FCRL2: variants seen among roughly 807,000 people sequenced by gnomAD.
FCRL2 encodes the protein Fc receptor-like protein 2.
A neutral mutation model predicts 59.8 loss-of-function variants in FCRL2; 48 were observed. That is an observed-to-expected ratio of 0.80 (90% CI 0.64 to 1.02). FCRL2 has a LOEUF of 1.02. Ranked by LOEUF, FCRL2 falls within the 50% of genes least tolerant of loss-of-function variation. The pLI, the probability that FCRL2 is intolerant of heterozygous loss-of-function variation, is 0.00. For synonymous variants in FCRL2, 251 were observed against 229.5 expected (o/e 1.09, Z -0.85); for missense variants, 658 against 597.3 (o/e 1.10, Z -1.06).
intron 7 of FCRL2, among the ~76,000 whole-genome samples, chr1:157,766,029 G>A (rs1279052157): frequency 6.6e-6 from 1 of 152,144 alleles, no homozygotes; most frequent in Non-Finnish European, 1.5e-5. Context: ...GCAAACTATG[G>A]CCAGCATCAA....
chr1:157,748,449 T>C (rs1488245641), intron 10 of FCRL2, 104 bp downstream of exon 10: 1 of 404,534 alleles, frequency 2.5e-6, no homozygotes. Flanking sequence ...GACAAATAAA[T>C]AAATAAATAA....
chr1:157,748,464 A>G lies in FCRL2; in HGVS notation c.1459+89T>C, dbSNP rs955451405. On this transcript the variant is annotated intron_variant, in intron 10 of 11. Transcript: ENST00000361516. The stretch of plus-strand genomic sequence containing the variant: ...GACAAATAAATAAATAAATAAATAA[A>G]TAAATAAATAAATAAAGCCTCTATT... 5.2e-6 allele frequency: 3 copies of G among 575,372 alleles called. No homozygotes were observed. In the Admixed American group the frequency reaches 9.7e-5, roughly 19 times the overall value. The allele number at this position is 575,372 out of a possible 1,614,324, so 35.6% of individuals were successfully genotyped here. A position where few individuals can be genotyped will look rare whatever the true frequency, so the allele number is the denominator to read the frequency against.
At chr1:157,755,838 T>C (rs1472114639) in intron 7 of FCRL2, among the ~76,000 whole-genome samples, 2 of 152,154 alleles carry the variant, frequency 1.3e-5, no homozygotes, top group Admixed American at 1.3e-4. Flanking sequence ...CTAAAATATC[T>C]CTGGAAAAAT....
At chr1:157,746,960 A>C in intron 10 of FCRL2, 61 bp from the exon 11 acceptor site, 1 of 1,547,770 alleles carries the variant, frequency 6.5e-7, no homozygotes, top group Non-Finnish European at 8.9e-7. Flanking sequence ...TCACTCCCAG[A>C]CTTTATGCCC....
Position 157,770,063 on chromosome 1 carries a change from G to A in FCRL2, c.398C>T (p.Ser133Phe), listed in dbSNP as rs1035145321. 1 of 1,614,090 alleles carries A rather than the reference G, an allele frequency of 6.2e-7. No homozygotes were observed. The highest frequency in any genetic ancestry group is 1.3e-5 in the African/African-American group (1 of 74,920). The part of the protein sequence containing the change: ...PVSLKCETRL[S>F]PQRLDVQLQF... The stretch of plus-strand genomic sequence containing the variant: ...GAGTTGAACATCCAACCTCTGTGGA[G>A]AGAGCCGGGTCTCACATTTCAGGCT... Residue 133 changes from serine to phenylalanine, a missense_variant, in exon 4 of 12, where the codon TCT becomes TTT. Physicochemically the swap from Ser to Phe is radical, Grantham distance 155 (BLOSUM62 -2). Transcript: ENST00000361516.
chr1:157,765,737 G>A lies in FCRL2; in HGVS notation c.1279+1118C>T, dbSNP rs183330223. ...TAAAAAATATGGCTTAAAATTCTTT[G>A]ACAGTTCTCCCATTTAGAGGTGAAG... On this transcript the variant is annotated intron_variant, in intron 7 of 11. Coordinates refer to ENST00000361516, the MANE Select transcript of FCRL2 (RefSeq NM_030764.4). Among the ~76,000 whole-genome samples, 110 of 152,296 alleles carry A rather than the reference G, an allele frequency of 7.2e-4. 1 individual carries two copies. In the East Asian group the frequency reaches 0.019, roughly 27 times the overall value.
chr1:157,746,982 A>C (rs1647797087), intron 10 of FCRL2, 83 bp from the exon 11 acceptor site: 3 of 1,388,366 alleles, frequency 2.2e-6, no homozygotes, highest in Non-Finnish European at 3.0e-6. Flanking sequence ...AGGGCATAGA[A>C]CTACTATGCT....
intron 7 of FCRL2, among the ~76,000 whole-genome samples, chr1:157,765,560 G>T (rs6699379): frequency 2.0e-5 from 3 of 152,208 alleles, no homozygotes; most frequent in Non-Finnish European, 4.4e-5. Context: ...ACGAGAAGGG[G>T]CTCAGGGAGA....
chr1:157,754,022 A>G (rs545364147), intron 7 of FCRL2, among the ~76,000 whole-genome samples: 1 of 152,110 alleles, frequency 6.6e-6, no homozygotes, highest in Non-Finnish European at 1.5e-5. Flanking sequence ...TAGCTATCTG[A>G]AAAAAAAGAT....
At chr1:157,762,329 A>T (rs1649161852) in intron 7 of FCRL2, among the ~76,000 whole-genome samples, 1 of 152,204 alleles carries the variant, frequency 6.6e-6, no homozygotes, top group South Asian at 2.1e-4. Context: ...TGCCACTGCC[A>T]TTGCCCAAAC....
At chr1:157,760,809 G>C (rs1649037768) in intron 7 of FCRL2, among the ~76,000 whole-genome samples, 1 of 151,500 alleles carries the variant, frequency 6.6e-6, no homozygotes, top group Admixed American at 6.6e-5. Flanking sequence ...AAGGAAGGAA[G>C]GAGGGAAGGA....
intron 7 of FCRL2, among the ~76,000 whole-genome samples, chr1:157,751,765 G>A (rs1557854071): frequency 6.6e-6 from 1 of 152,230 alleles, no homozygotes; most frequent in Non-Finnish European, 1.5e-5. Context: ...ACTGAAGAGA[G>A]ATGTTAAGTG....
chr1:157,760,332 A>G (rs1461889463), intron 7 of FCRL2, among the ~76,000 whole-genome samples: 1 of 151,796 alleles, frequency 6.6e-6, no homozygotes, highest in Non-Finnish European at 1.5e-5. Context: ...AAAGCTACCT[A>G]TTGGGGCCAG....
chr1:157,754,449 A>C (rs58804990), intron 7 of FCRL2, among the ~76,000 whole-genome samples: 2,696 of 152,270 alleles, frequency 0.018, 68 homozygotes, highest in African/African-American at 0.061. Flanking sequence ...TAACCATAAA[A>C]ATGGGCAACA....
intron 7 of FCRL2, 38 bp downstream of exon 7, chr1:157,766,817 C>CAT (rs1182312196): frequency 6.2e-7 from 1 of 1,613,390 alleles, no homozygotes; most frequent in Non-Finnish European, 8.5e-7. Flanking sequence ...GTGGAAAGGT[C>CAT]ATAGCAAAAT....
rs146758881 is a variant in FCRL2 at position 157,758,511 on chromosome 1, T to C, written c.1279+8344A>G. Reference sequence around the variant, plus strand: ...CAAATGAAAAAATATTCCATGCTCATGGATAGGAAGAATCAGGGTTGTTAA... The same window carrying C: ...CAAATGAAAAAATATTCCATGCTCACGGATAGGAAGAATCAGGGTTGTTAA... On this transcript the variant is annotated intron_variant, in intron 7 of 11. Coordinates refer to ENST00000361516, the MANE Select transcript of FCRL2 (RefSeq NM_030764.4). Among the ~76,000 whole-genome samples, 646 of 152,000 alleles carry C rather than the reference T, an allele frequency of 4.3e-3. 3 individuals carry two copies. Among genetic ancestry groups the C allele is most frequent in the African/African-American group, 0.013 (538 of 41,436 alleles).
intron 4 of FCRL2, chr1:157,769,265 C>T: frequency 6.4e-6 from 1 of 155,994 alleles, no homozygotes; most frequent in Non-Finnish European, 1.4e-5. Context: ...TTGAAGTGTC[C>T]CACCCACTAC....
chr1:157,754,826 C>A (rs996092066), intron 7 of FCRL2, among the ~76,000 whole-genome samples: 1 of 152,046 alleles, frequency 6.6e-6, no homozygotes, highest in Admixed American at 6.6e-5. Flanking sequence ...ATTAGCCAGT[C>A]ACGGCGGTGC....
At chr1:157,773,121 T>C (rs1425305214) in intron 2 of FCRL2, among the ~76,000 whole-genome samples, 1 of 152,176 alleles carries the variant, frequency 6.6e-6, no homozygotes, top group African/African-American at 2.4e-5. Context: ...CCCTCAGCTA[T>C]GTTTTGGAAT....
Sources: allele counts gnomAD v4.1 joint callset (sites outside exome capture counted in the v4.1 genomes callset), GRCh38; gene constraint gnomAD v4.1.1; transcripts MANE v1.5; gene names NCBI Gene and HGNC (gene_info 2026-07-23, HGNC 2026-07-21).